The following DAB1 variants were observed in gnomAD, a reference collection of about 807,000 sequenced individuals.
The protein encoded by DAB1 is disabled homolog 1.
In DAB1, 15 loss-of-function variants were observed where a neutral mutation model predicts 64.6. The ratio of observed to expected loss-of-function variants is 0.23; its 90% CI spans 0.16 to 0.36. The LOEUF (loss-of-function observed/expected upper bound fraction) is 0.36. DAB1 is among the 10% of genes least tolerant of loss of function. The pLI is 1.00. For synonymous variants in DAB1, 235 were observed against 251.9 expected (o/e 0.93, Z 0.64); for missense variants, 596 against 706.7 (o/e 0.84, Z 1.78).
intron 5 of DAB1, among the ~76,000 whole-genome samples, chr1:58,035,164 G>A (rs1260106503): frequency 6.6e-6 from 1 of 152,184 alleles, no homozygotes; most frequent in African/African-American, 2.4e-5. Context: ...GGCAGAAAGA[G>A]AGAGCAAGCC....
At chr1:58,248,403 C>T (rs549267452) in intron 4 of DAB1, among the ~76,000 whole-genome samples, 11 of 152,256 alleles carry the variant, frequency 7.2e-5, no homozygotes, top group African/African-American at 2.4e-4. Context: ...ATCTCTTGGT[C>T]CAACCCTTGT....
intron 6 of DAB1, among the ~76,000 whole-genome samples, chr1:57,807,278 C>T (rs1266545514): frequency 6.6e-6 from 1 of 152,042 alleles, no homozygotes; most frequent in Non-Finnish European, 1.5e-5. Context: ...CTGGGAGGGC[C>T]CTATAACTTG....
intron 5 of DAB1, among the ~76,000 whole-genome samples, chr1:58,012,796 T>C (rs1037657001): frequency 1.3e-5 from 2 of 152,188 alleles, no homozygotes; most frequent in African/African-American, 4.8e-5. Flanking sequence ...GAAATGAATG[T>C]TTGTTGTTAA....
intron 7 of DAB1, among the ~76,000 whole-genome samples, chr1:57,553,506 A>AAGGAAGGAAGAAAGAG (rs1558487480): frequency 1.2e-4 from 1 of 8,352 alleles, no homozygotes; most frequent in East Asian, 0.028. Flanking sequence ...GGAAGGAAGG[A>AAGGAAGGAAGAAAGAG]AGAGAGAGAG....
chr1:58,070,728 G>A (rs531661058), intron 5 of DAB1, among the ~76,000 whole-genome samples: 24 of 152,286 alleles, frequency 1.6e-4, no homozygotes, highest in Non-Finnish European at 2.4e-4. Context: ...TGCTGAATCC[G>A]CATCTCTAGA....
intron 2 of DAB1, among the ~76,000 whole-genome samples, chr1:57,197,201 A>T (rs1664694338): frequency 6.6e-6 from 1 of 152,124 alleles, no homozygotes; most frequent in Non-Finnish European, 1.5e-5. Context: ...AAAATTAGCC[A>T]GGCATGGTGG....
intron 7 of DAB1, among the ~76,000 whole-genome samples, chr1:57,469,933 T>A (rs188892220): frequency 6.3e-4 from 96 of 152,352 alleles, no homozygotes; most frequent in African/African-American, 2.1e-3. Context: ...TAACATCATT[T>A]TCTATACTCA....
At chr1:57,309,043 T>C (rs1462229699) in intron 1 of DAB1, among the ~76,000 whole-genome samples, 2 of 152,212 alleles carry the variant, frequency 1.3e-5, no homozygotes. Context: ...TAAAATATTA[T>C]GAAATTTTTT....
intron 1 of DAB1, among the ~76,000 whole-genome samples, chr1:57,355,873 A>AACACACACAC (rs10529674): frequency 1.2e-4 from 18 of 146,416 alleles, no homozygotes; most frequent in East Asian, 2.2e-4. Context: ...AACCTCAATA[A>AACACACACAC]ACACACACAC....
At chr1:57,534,358 G>A (rs1644700663) in intron 7 of DAB1, among the ~76,000 whole-genome samples, 1 of 152,172 alleles carries the variant, frequency 6.6e-6, no homozygotes, top group Admixed American at 6.5e-5. Flanking sequence ...GTGAGTCTGT[G>A]TTGGCTGCCA....
chr1:57,292,561 T>A (rs1276615809), intron 1 of DAB1, among the ~76,000 whole-genome samples: 2 of 152,130 alleles, frequency 1.3e-5, no homozygotes, highest in Non-Finnish European at 2.9e-5. Flanking sequence ...CAGACCCTCG[T>A]CTCTAAGACA....
chr1:57,781,018 G>A (rs926503211), intron 6 of DAB1, among the ~76,000 whole-genome samples: 8 of 149,886 alleles, frequency 5.3e-5, no homozygotes, highest in South Asian at 4.2e-4. Context: ...ATAAGCCACC[G>A]CCCCTGGCGT....
At chr1:58,493,366 A>C (rs1645734647) in intron 3 of DAB1, among the ~76,000 whole-genome samples, 1 of 152,198 alleles carries the variant, frequency 6.6e-6, no homozygotes, top group African/African-American at 2.4e-5. Flanking sequence ...CAAGACAGGG[A>C]TGCCCTCTCT....
chr1:57,333,648 A>G (rs955833503), intron 1 of DAB1, among the ~76,000 whole-genome samples: 1 of 152,252 alleles, frequency 6.6e-6, no homozygotes, highest in Admixed American at 6.5e-5. Context: ...AAGCCACTCC[A>G]GCTCCCTACA....
Position 57,011,405 on chromosome 1 carries a change from G to A in DAB1, c.1445-133C>T, listed in dbSNP as rs192965465. On this transcript the variant is annotated intron_variant, in intron 12 of 14. Coordinates refer to ENST00000371236, the MANE Select transcript of DAB1 (RefSeq NM_001365792.1). ...CCTCTTCCTATTTCCAGTGGAATCA[G>A]TTGAATATTTGAATTCTCTCTCTGT... The A allele has an allele frequency of 2.7e-6, 3 of 1,090,918 alleles. No homozygotes were observed. The East Asian group carries it at 7.2e-5, about 26-fold the overall frequency. The allele number at this position is 1,090,918 out of a possible 1,614,324, so 67.6% of individuals were successfully genotyped here.
chr1:58,296,495 A>G (rs1479425046), intron 4 of DAB1, among the ~76,000 whole-genome samples: 1 of 152,184 alleles, frequency 6.6e-6, no homozygotes, highest in Non-Finnish European at 1.5e-5. Flanking sequence ...GGCAAAGTGC[A>G]GCTCATGCAT....
intron 1 of DAB1, among the ~76,000 whole-genome samples, chr1:57,359,177 A>G (rs1221675183): frequency 6.6e-6 from 1 of 152,056 alleles, no homozygotes; most frequent in African/African-American, 2.4e-5. Flanking sequence ...GAGAGAACAT[A>G]TTTACAAACT....
intron 5 of DAB1, among the ~76,000 whole-genome samples, chr1:57,903,687 G>A (rs911686819): frequency 1.3e-5 from 2 of 152,148 alleles, no homozygotes; most frequent in Non-Finnish European, 2.9e-5. Context: ...GCAACTTGAG[G>A]GATGATGTCA....
chr1:57,014,376 T>A lies in DAB1; in HGVS notation c.1444+507A>T, dbSNP rs114707422. Among the ~76,000 whole-genome samples, 770 of 152,364 alleles carry A rather than the reference T, an allele frequency of 5.1e-3. 5 individuals carry two copies. The highest frequency in any genetic ancestry group is 0.018 in the African/African-American group (743 of 41,582). ...ATCTCTGCCCTAAGTTTTCTCTTGA[T>A]CCTTATTTTATATTCTAATGTTTAA... is the stretch of plus-strand genomic sequence containing the variant. On this transcript the variant is annotated intron_variant, in intron 12 of 14. Coordinates refer to ENST00000371236, the MANE Select transcript of DAB1 (RefSeq NM_001365792.1).
Sources: allele counts gnomAD v4.1 joint callset (sites outside exome capture counted in the v4.1 genomes callset), GRCh38; gene constraint gnomAD v4.1.1; transcripts MANE v1.5; gene names NCBI Gene and HGNC (gene_info 2026-07-23, HGNC 2026-07-21).